SUPT5H: variants seen among roughly 807,000 people sequenced by gnomAD.
SUPT5H encodes the protein SPT5 homolog, DSIF elongation factor subunit, also known as transcription elongation factor SPT5.
A neutral mutation model predicts 142.5 loss-of-function variants in SUPT5H; 24 were observed. The ratio of observed to expected loss-of-function variants is 0.17; its 90% CI spans 0.12 to 0.24. The LOEUF (loss-of-function observed/expected upper bound fraction) is 0.24, where lower values mean the gene tolerates loss of function less well. Ranked by LOEUF, SUPT5H falls within the 10% of genes least tolerant of loss-of-function variation. The pLI, the probability that SUPT5H is intolerant of heterozygous loss-of-function variation, is 1.00. For synonymous variants in SUPT5H, 546 were observed against 553.0 expected, an observed-to-expected ratio of 0.99 and a Z score of 0.18; for missense variants, 893 against 1,471.8, an observed-to-expected ratio of 0.61 and a Z score of 6.43.
At position 39,459,063 on chromosome 19, in the gene SUPT5H, G is replaced by A. The variant is rs1332842680; in HGVS notation, c.448G>A (p.Val150Met). ...CATGAAGAAATACGCCAAGTCATCT[G>A]TGGGAGAGACGTAAGGGCATGGTGG... is the stretch of plus-strand genomic sequence containing the variant. Reference protein sequence around the residue: ...YYMKKYAKSSVGETVYGGSDE... With the variant: ...YYMKKYAKSSMGETVYGGSDE... The change falls in exon 7 of 30, where the codon GTG becomes ATG. Residue 150 changes from valine (V) to methionine (M), a missense_variant. This residue lies in a region of SUPT5H where 428 missense variants were observed against 763.5 expected (regional missense o/e 0.56). Coordinates refer to ENST00000432763, the MANE Select transcript of SUPT5H (RefSeq NM_001111020.3). 2.5e-6 allele frequency: 4 copies of A among 1,613,948 alleles called. No individual in the cohort carries two copies. The highest frequency in any genetic ancestry group is 3.4e-6 in the Non-Finnish European group (4 of 1,180,028).
In SUPT5H at chr19:39,474,624, G is replaced by A. The variant is rs2079375783; in HGVS notation, c.2930G>A (p.Ser977Asn). 2.5e-6 allele frequency: 4 copies of A among 1,614,242 alleles called. No individual in the cohort carries two copies. The highest frequency in any genetic ancestry group is 3.4e-6 in the Non-Finnish European group (4 of 1,180,046). ...TPGSGIEQNSSDWVTTDIQVK... is the reference protein window; with the variant it reads ...TPGSGIEQNSNDWVTTDIQVK... ...GGCTCAGGCATCGAGCAGAACTCCA[G>A]CGACTGGGTAACCACTGACATTCAG... Residue 977 changes from serine (S) to asparagine (N), a missense_variant, in exon 28 of 30, where the codon AGC becomes AAC. Coordinates refer to ENST00000432763, the MANE Select transcript of SUPT5H (RefSeq NM_001111020.3). This position sits in a 1 kb window ranked among gnomAD's most constrained non-coding sequence, Gnocchi z 6.5.
intron 3 of SUPT5H, among the ~76,000 whole-genome samples, chr19:39,457,240 C>T (rs2079102346): frequency 6.6e-6 from 1 of 152,166 alleles, no homozygotes; most frequent in African/African-American, 2.4e-5. Context: ...AGTGAGGAAC[C>T]TGTGTCAGGT....
chr19:39,457,487 C>T (rs1475798473), intron 3 of SUPT5H, among the ~76,000 whole-genome samples, 188 bp from the exon 4 acceptor site: 1 of 152,092 alleles, frequency 6.6e-6, no homozygotes, highest in African/African-American at 2.4e-5. Flanking sequence ...CTGTATGTCC[C>T]CCTCGATCCT....
At chr19:39,446,345 T>C (rs1218520985) in intron 2 of SUPT5H, among the ~76,000 whole-genome samples, 1 of 152,218 alleles carries the variant, frequency 6.6e-6, no homozygotes, top group Non-Finnish European at 1.5e-5. Context: ...TTTAAAAATG[T>C]CTGCCTTCGG....
chr19:39,458,114 A>C lies in SUPT5H; in HGVS notation c.308-180A>C. 1 of 1,094,182 alleles carries C rather than the reference A, an allele frequency of 9.1e-7. No homozygotes were observed. The allele number at this position is 1,094,182 out of a possible 1,614,324, so 67.8% of individuals were successfully genotyped here. On this transcript the variant is annotated intron_variant, in intron 4 of 29. Transcript: ENST00000432763. The surrounding 1 kb of genome is among the most constrained non-coding windows in gnomAD (Gnocchi z 4.2). The stretch of plus-strand genomic sequence containing the variant: ...CATACATTTCGGCTTCTCCCCAACC[A>C]CCTGGTGCCTGGCCTTTACTTTTGG...
chr19:39,465,092 C>A, intron 11 of SUPT5H, 43 bp downstream of exon 11: 1 of 1,578,298 alleles, frequency 6.3e-7, no homozygotes, highest in Admixed American at 1.8e-5. Flanking sequence ...TCCCTCCATT[C>A]TGTTCTCCCT....
chr19:39,471,262 C>T, intron 18 of SUPT5H, 95 bp from the exon 19 acceptor site: 1 of 1,460,836 alleles, frequency 6.8e-7, no homozygotes, highest in Non-Finnish European at 9.4e-7. Context: ...GGGACTGTCT[C>T]CCACAAGGAA....
At chr19:39,463,086 G>A (rs938706764) in intron 10 of SUPT5H, among the ~76,000 whole-genome samples, 10 of 142,348 alleles carry the variant, frequency 7.0e-5, no homozygotes, top group African/African-American at 2.6e-4. Context: ...TTGAACTCCT[G>A]ACCTCAGATG....
At chr19:39,447,647 G>A (rs1159827510) in intron 2 of SUPT5H, among the ~76,000 whole-genome samples, 1 of 151,996 alleles carries the variant, frequency 6.6e-6, no homozygotes, top group African/African-American at 2.4e-5. Flanking sequence ...TTGAACTCCT[G>A]ACCTCAGGTG....
rs775002064 is a variant in SUPT5H at position 39,446,012 on chromosome 19, C to T, written c.75+47C>T. The T allele has an allele frequency of 5.0e-6, 8 of 1,586,804 alleles. No homozygotes were observed. In the South Asian group the frequency reaches 5.6e-5, roughly 11 times the overall value. Reference sequence around the variant, plus strand: ...GGAGACATTGCGTCTGGGGACAGGACTCCGGGCAGAAAGGCCCCTGTGGGA... The same window carrying T: ...GGAGACATTGCGTCTGGGGACAGGATTCCGGGCAGAAAGGCCCCTGTGGGA... On this transcript the variant is annotated intron_variant, in intron 2 of 29. Transcript: ENST00000432763.
At position 39,476,455 on chromosome 19, in the gene SUPT5H, G is replaced by A; in HGVS notation, c.*56G>A. The A allele has an allele frequency of 6.2e-7, 1 of 1,602,612 alleles. No individual in the cohort carries two copies. The highest frequency in any genetic ancestry group is 8.5e-7 in the Non-Finnish European group (1 of 1,173,912). On this transcript the variant is annotated 3_prime_UTR_variant, in exon 30 of 30. Coordinates refer to ENST00000432763, the MANE Select transcript of SUPT5H (RefSeq NM_001111020.3). ...GAAGAGTGATCCTCCTTCCTTCCCTGGCCCTTGGCTGTGACACAAGATCCT... is the reference window on the plus strand; with the variant it reads ...GAAGAGTGATCCTCCTTCCTTCCCTAGCCCTTGGCTGTGACACAAGATCCT...
rs769286884 is a variant in SUPT5H at position 39,445,865 on chromosome 19, G to A, written c.-26G>A. ...CAGGATTGTGGGACGCGCCAAGGCT[G>A]CTGTCTTTCCCAGCAGCAGCGGAAG... is the stretch of plus-strand genomic sequence containing the variant. On this transcript the variant is annotated 5_prime_UTR_variant, in exon 2 of 30. Transcript: ENST00000432763. 6 of 1,611,810 alleles carry A rather than the reference G, an allele frequency of 3.7e-6. No homozygotes were observed. The South Asian group carries it at 6.6e-5, about 18-fold the overall frequency.
intron 2 of SUPT5H, among the ~76,000 whole-genome samples, chr19:39,449,345 G>A (rs1377051073): frequency 6.6e-6 from 1 of 152,134 alleles, no homozygotes; most frequent in African/African-American, 2.4e-5. Flanking sequence ...TGATGACAAG[G>A]TTCCTAGAAA....
chr19:39,464,926 C>T lies in SUPT5H; in HGVS notation c.753C>T (p.Asn251=). The change falls in exon 11 of 30, where the codon AAC becomes AAT. Residue 251 remains asparagine, a synonymous_variant. Coordinates refer to ENST00000432763, the MANE Select transcript of SUPT5H (RefSeq NM_001111020.3). ...GCAACCTGCGGCTTGGCTACTGGAA[C>T]CAGCAGATGGTGCCCATCAAGGAGA... is the stretch of plus-strand genomic sequence containing the variant. ...GVGNLRLGYW[N]QQMVPIKEMT... The T allele has an allele frequency of 6.2e-7, 1 of 1,614,128 alleles. No homozygotes were observed. Among genetic ancestry groups the T allele is most frequent in the Non-Finnish European group, 8.5e-7 (1 of 1,179,978 alleles).
At position 39,473,182 on chromosome 19, in the gene SUPT5H, A is replaced by G. The variant is rs2079347980; in HGVS notation, c.2259-21A>G. The G allele has an allele frequency of 2.5e-6, 4 of 1,611,050 alleles. No homozygotes were observed. Among genetic ancestry groups the G allele is most frequent in the South Asian group, 1.1e-5 (1 of 91,070 alleles). On this transcript the variant is annotated intron_variant, in intron 23 of 29. Transcript: ENST00000432763. This position sits in a 1 kb window ranked among gnomAD's most constrained non-coding sequence, Gnocchi z 5.8. ...GCAGTGAGAGGGGTCTGCTCACCCC[A>G]TTTGTTCTCTGCGTCCCCAGGGGCT...
At chr19:39,460,259 G>T in intron 10 of SUPT5H, 1 of 395,400 alleles carries the variant, frequency 2.5e-6, no homozygotes, top group South Asian at 2.8e-5. Flanking sequence ...CTGTTCACCA[G>T]CCCTGTTGGG....
chr19:39,459,011 G>A lies in SUPT5H; in HGVS notation c.396G>A (p.Gln132=). ...ARRLQNLWRD[Q]REEELGEYYM... ...TTCCCCACTCGTGCTCCAGGGACCAGCGAGAAGAAGAACTGGGCGAGTATT... is the reference window on the plus strand; with the variant it reads ...TTCCCCACTCGTGCTCCAGGGACCAACGAGAAGAAGAACTGGGCGAGTATT... The change falls in exon 7 of 30, where the codon CAG becomes CAA. Residue 132 remains glutamine (Q), a synonymous_variant. Transcript: ENST00000432763. 3 of 1,614,098 alleles carry A rather than the reference G, an allele frequency of 1.9e-6. No individual in the cohort carries two copies. Among genetic ancestry groups the A allele is most frequent in the Non-Finnish European group, 2.5e-6 (3 of 1,180,020 alleles).
chr19:39,447,974 A>G (rs1050242685), intron 2 of SUPT5H, among the ~76,000 whole-genome samples: 1 of 152,166 alleles, frequency 6.6e-6, no homozygotes, highest in Non-Finnish European at 1.5e-5. Context: ...GATTTAACAT[A>G]AAGATTAAGA....
At chr19:39,475,834 T>G in intron 28 of SUPT5H, 2 of 525,224 alleles carry the variant, frequency 3.8e-6, no homozygotes, top group Non-Finnish European at 3.4e-6. Context: ...ACATGAAGAG[T>G]CAAGAAGCAG....
Sources: allele counts gnomAD v4.1 joint callset (sites outside exome capture counted in the v4.1 genomes callset), GRCh38; gene constraint gnomAD v4.1.1; regional missense constraint gnomAD v4.1.1; non-coding constraint Gnocchi (gnomAD v3.1); transcripts MANE v1.5; gene names NCBI Gene and HGNC (gene_info 2026-07-23, HGNC 2026-07-21).